ZNF346: variants seen among roughly 807,000 people sequenced by gnomAD.
The protein encoded by ZNF346 is double-stranded RNA-binding zinc finger protein JAZ.
Under a neutral mutation model 33.7 loss-of-function variants are expected in ZNF346, and 23 were observed. The observed-to-expected ratio is 0.68, with a 90% CI of 0.49 to 0.97. The LOEUF (loss-of-function observed/expected upper bound fraction) is 0.97, where lower values mean the gene tolerates loss of function less well. ZNF346 is among the 50% of genes least tolerant of loss of function. ZNF346 has a pLI of 0.00. For missense variants in ZNF346, 340 were observed against 371.1 expected (o/e 0.92, Z 0.69); for synonymous variants, 134 against 142.4 (o/e 0.94, Z 0.42).
chr5:177,072,115 T>C (rs1051908801), downstream of ZNF346, among the ~76,000 whole-genome samples: 3 of 152,234 alleles, frequency 2.0e-5, no homozygotes, highest in Non-Finnish European at 2.9e-5. Context: ...CACGAGCCCC[T>C]GTATATGCTA....
intron 5 of ZNF346, among the ~76,000 whole-genome samples, chr5:177,058,435 C>T (rs545766347): frequency 7.4e-4 from 113 of 152,034 alleles, no homozygotes; most frequent in African/African-American, 2.5e-3. Context: ...CACGCCATTG[C>T]ACTCCAGCCT....
rs982307299 is a variant in ZNF346 at position 177,066,874 on chromosome 5, C to T, written c.*2275C>T. ...AGAAGTTCGAGACCAGCCTGGCCAA[C>T]ATGATGGCAAAACCCCGTCCCTATA... On this transcript the variant is annotated 3_prime_UTR_variant, in exon 7 of 7. Coordinates refer to ENST00000358149, the MANE Select transcript of ZNF346 (RefSeq NM_012279.4). Among the ~76,000 whole-genome samples, 2 of 152,148 alleles carry T rather than the reference C, an allele frequency of 1.3e-5. No homozygotes were observed. The highest frequency in any genetic ancestry group is 4.8e-5 in the African/African-American group (2 of 41,422).
intron 4 of ZNF346, 147 bp downstream of exon 4, chr5:177,044,680 C>A: frequency 1.3e-6 from 1 of 799,172 alleles, no homozygotes; most frequent in Non-Finnish European, 2.0e-6. Flanking sequence ...CCAAGTAGAC[C>A]CAGCTTCACT....
At chr5:177,033,316 C>A (rs1777992995) in intron 1 of ZNF346, among the ~76,000 whole-genome samples, 1 of 152,118 alleles carries the variant, frequency 6.6e-6, no homozygotes, top group Admixed American at 6.5e-5. Context: ...TGGCATCAAG[C>A]AATCCTCTAG....
At chr5:177,035,547 G>C (rs1020479303) in intron 1 of ZNF346, among the ~76,000 whole-genome samples, 3 of 150,804 alleles carry the variant, frequency 2.0e-5, no homozygotes, top group African/African-American at 4.9e-5. Context: ...TGCAGCCTCC[G>C]CCTCCCGGGT....
rs564564359 is a variant in ZNF346 at position 177,035,629 on chromosome 5, T to C, written c.176-5497T>C. ...GTGCCTTACCATCACACCCGGCTAA[T>C]TGACTTTTTTTTTTTTTTTTTTTTT... On this transcript the variant is annotated intron_variant, in intron 1 of 6. Transcript: ENST00000358149. Among the ~76,000 whole-genome samples the C allele has an allele frequency of 9.6e-3, 1,324 of 137,744 alleles. 8 individuals carry two copies. Among genetic ancestry groups the C allele is most frequent in the South Asian group, 0.026 (114 of 4,406 alleles). 90.4% of individuals were successfully genotyped at this position (137,744 alleles called of 152,430 possible). A position where few individuals can be genotyped will look rare whatever the true frequency, so the allele number is the denominator to read the frequency against.
rs1581968532 is a variant in ZNF346, at chr5:177,064,860, T to G, written c.*261T>G. ...TCTCGCGGGGTGGTAGTTTGGAGGG[T>G]GGCTTTCCCCATTTCCCAACCCCTC... On this transcript the variant is annotated 3_prime_UTR_variant, in exon 7 of 7. Coordinates refer to ENST00000358149, the MANE Select transcript of ZNF346 (RefSeq NM_012279.4). The G allele has an allele frequency of 4.3e-6, 2 of 467,188 alleles. No homozygotes were observed. Among genetic ancestry groups the G allele is most frequent in the South Asian group, 3.1e-5 (1 of 32,304 alleles). 28.9% of individuals were successfully genotyped at this position (467,188 alleles called of 1,614,324 possible).
chr5:177,076,852 C>T (rs952420858), intron 8 of ZNF346, among the ~76,000 whole-genome samples: 9 of 152,056 alleles, frequency 5.9e-5, no homozygotes, highest in African/African-American at 2.2e-4. Flanking sequence ...ACCATCCTGG[C>T]CAATATGGTG....
intron 5 of ZNF346, chr5:177,052,675 A>G (rs1781119639): frequency 6.6e-6 from 1 of 152,156 alleles, no homozygotes; most frequent in African/African-American, 2.4e-5. Flanking sequence ...CCCTACATTA[A>G]AGTTTTGCCT....
At chr5:177,028,782 C>A (rs1029960641) in intron 1 of ZNF346, among the ~76,000 whole-genome samples, 1 of 123,086 alleles carries the variant, frequency 8.1e-6, no homozygotes, top group African/African-American at 3.2e-5. Flanking sequence ...TGCAGTGGTG[C>A]GATCTCGGCT....
chr5:177,062,173 T>C, intron 6 of ZNF346, 22 bp downstream of exon 6: 1 of 1,607,300 alleles, frequency 6.2e-7, no homozygotes, highest in Non-Finnish European at 8.5e-7. Flanking sequence ...TTTTTTGAAA[T>C]TCTAGGATCC....
intron 1 of ZNF346, among the ~76,000 whole-genome samples, chr5:177,036,079 T>C (rs887083934): frequency 3.3e-5 from 5 of 152,118 alleles, no homozygotes; most frequent in East Asian, 3.8e-4. Flanking sequence ...GGGTCTCTTA[T>C]GCAGTTGCAG....
intron 1 of ZNF346, among the ~76,000 whole-genome samples, chr5:177,030,896 G>A (rs1252476140): frequency 2.7e-5 from 4 of 148,170 alleles, no homozygotes; most frequent in African/African-American, 5.0e-5. Context: ...GGCTTCTTTC[G>A]CTTAGTGTAA....
chr5:177,042,000 C>T (rs1779403206), intron 3 of ZNF346, 130 bp downstream of exon 3: 1 of 560,356 alleles, frequency 1.8e-6, no homozygotes. Context: ...AAGTCTATTA[C>T]TTCACAAAGC....
chr5:177,066,498 G>C lies in ZNF346; in HGVS notation c.*1899G>C, dbSNP rs1783175466. Among the ~76,000 whole-genome samples, 1 of 152,112 alleles carries C rather than the reference G, an allele frequency of 6.6e-6. No homozygotes were observed. The highest frequency in any genetic ancestry group is 1.9e-4 in the East Asian group (1 of 5,174). ...CCTGCTCAGCTCTTACACAGTGATA[G>C]GTTTGTTCCATGGGACTTATCATAG... On this transcript the variant is annotated 3_prime_UTR_variant, in exon 7 of 7. Transcript: ENST00000358149.
At chr5:177,032,852 C>T (rs1296934202) in intron 1 of ZNF346, among the ~76,000 whole-genome samples, 1 of 152,118 alleles carries the variant, frequency 6.6e-6, no homozygotes, top group Non-Finnish European at 1.5e-5. Flanking sequence ...GGCCAGGAGT[C>T]TGAATTCAGC....
intron 4 of ZNF346, among the ~76,000 whole-genome samples, chr5:177,048,052 C>T (rs949702904): frequency 1.3e-5 from 2 of 152,146 alleles, no homozygotes; most frequent in Non-Finnish European, 2.9e-5. Context: ...ATTTAATATT[C>T]GTCTAATGCT....
intron 8 of ZNF346, chr5:177,079,233 C>T (rs1377611858): frequency 3.3e-5 from 5 of 151,706 alleles, no homozygotes. Flanking sequence ...GATCATGCCA[C>T]TGCACTGCAG....
In ZNF346 at chr5:177,066,269, G is replaced by A. The variant is rs1783155551; in HGVS notation, c.*1670G>A. On this transcript the variant is annotated 3_prime_UTR_variant, in exon 7 of 7. Coordinates refer to ENST00000358149, the MANE Select transcript of ZNF346 (RefSeq NM_012279.4). Reference sequence around the variant, plus strand: ...GCTTTATGTTTGAGAGAACTGTTCTGGCTGTTATGTAAAGGAGTGCAGGGA... The same window carrying A: ...GCTTTATGTTTGAGAGAACTGTTCTAGCTGTTATGTAAAGGAGTGCAGGGA... Among the ~76,000 whole-genome samples, 1 of 151,540 alleles carries A rather than the reference G, an allele frequency of 6.6e-6. No individual in the cohort carries two copies. Among genetic ancestry groups the A allele is most frequent in the African/African-American group, 2.4e-5 (1 of 41,176 alleles).
Sources: gnomAD v4.1 joint callset for allele counts (sites outside exome capture counted in the v4.1 genomes callset) on GRCh38, gnomAD v4.1.1 for gene constraint, MANE v1.5 for transcripts, NCBI Gene and HGNC (gene_info 2026-07-23, HGNC 2026-07-21) for gene names.